Variants in GPI observed in about 807,000 individuals in gnomAD.
GPI encodes D-hexose-6-phosphate anomerase.
GPI carries 56 observed loss-of-function variants against 75.8 expected under a neutral mutation model. That is an observed-to-expected ratio of 0.74 (90% confidence interval 0.60 to 0.92). The LOEUF is 0.92. Among genes scored for constraint, GPI ranks in the 40% least tolerant of loss-of-function variants. The probability of loss-of-function intolerance (pLI) is 0.00; values close to 1 mark genes in which losing one functional copy is unlikely to be tolerated. For missense variants in GPI, 638 were observed against 741.0 expected (o/e 0.86, Z 1.61); for synonymous variants, 288 against 285.4 (o/e 1.01, Z -0.09).
intron 3 of GPI, chr19:34,367,096 C>T (rs1250757413): frequency 1.5e-6 from 1 of 651,132 alleles, no homozygotes. Context: ...ATCTCATACC[C>T]ACAGGGAGAG....
chr19:34,393,146 C>T lies in GPI; in HGVS notation c.805-102C>T. 1.1e-6 allele frequency: 1 copy of T among 952,070 alleles called. No homozygotes were observed. Among genetic ancestry groups the T allele is most frequent in the East Asian group, 2.4e-5 (1 of 41,546 alleles). The allele number at this position is 952,070 out of a possible 1,614,324, so 59.0% of individuals were successfully genotyped here. Reference sequence around the variant, plus strand: ...CCTGGAGGTGGGTTGGGCCAGGGCCCTCCGAGACGCCCCTGTGCAAGACCA... The same window carrying T: ...CCTGGAGGTGGGTTGGGCCAGGGCCTTCCGAGACGCCCCTGTGCAAGACCA... On this transcript the variant is annotated intron_variant, in intron 9 of 17. Coordinates refer to ENST00000356487, the MANE Select transcript of GPI (RefSeq NM_000175.5). This position sits in a 1 kb window ranked among gnomAD's most constrained non-coding sequence, Gnocchi z 4.4.
chr19:34,366,379 G>A lies in GPI; in HGVS notation c.157G>A (p.Val53Met). ...TLNTNHGHILVDYSKNLVTED... is the reference protein window; with the variant it reads ...TLNTNHGHILMDYSKNLVTED... Reference sequence around the variant, plus strand: ...CAACACCAACCATGGGCATATCCTGGTGGATTACTCCAAGAACCTGGTGAC... The same window carrying A: ...CAACACCAACCATGGGCATATCCTGATGGATTACTCCAAGAACCTGGTGAC... The change falls in exon 2 of 18, where the codon GTG (valine) becomes ATG (methionine). Residue 53 changes from valine to methionine, a missense_variant. Val to Met is a conservative substitution (Grantham distance 21). Coordinates refer to ENST00000356487, the MANE Select transcript of GPI (RefSeq NM_000175.5). 6.2e-7 allele frequency: 1 copy of A among 1,613,614 alleles called. No individual in the cohort carries two copies. Among genetic ancestry groups the A allele is most frequent in the Non-Finnish European group, 8.5e-7 (1 of 1,179,490 alleles).
At position 34,393,668 on chromosome 19, in the gene GPI, C is replaced by T. The variant is rs1012642834; in HGVS notation, c.866-60C>T. 2.7e-6 allele frequency: 4 copies of T among 1,507,052 alleles called. No homozygotes were observed. The Admixed American group carries it at 6.7e-5, about 25-fold the overall frequency. The allele number at this position is 1,507,052 out of a possible 1,614,324, so 93.4% of individuals were successfully genotyped here. A position where few individuals can be genotyped will look rare whatever the true frequency, so the allele number is the denominator to read the frequency against. ...TTCCTTCGTTGCAGAAGGAGCTGTG[C>T]CCACTGCCCACAGGACGCAGGGTGT... On this transcript the variant is annotated intron_variant, in intron 10 of 17. Coordinates refer to ENST00000356487, the MANE Select transcript of GPI (RefSeq NM_000175.5). This position sits in a 1 kb window ranked among gnomAD's most constrained non-coding sequence, Gnocchi z 4.4.
Position 34,393,049 on chromosome 19 carries a change from T to G in GPI, c.805-199T>G, listed in dbSNP as rs2145419139. On this transcript the variant is annotated intron_variant, in intron 9 of 17. Coordinates refer to ENST00000356487, the MANE Select transcript of GPI (RefSeq NM_000175.5). The surrounding 1 kb of genome is among the most constrained non-coding windows in gnomAD (Gnocchi z 4.4). The stretch of plus-strand genomic sequence containing the variant: ...TAAGCTCTTCAGTTTGTCTTGTGGC[T>G]GTGGTCAGTCATCTGTAGTCTGCCC... The G allele has an allele frequency of 1.6e-6, 1 of 632,282 alleles. No homozygotes were observed. Among genetic ancestry groups the G allele is most frequent in the South Asian group, 1.7e-5 (1 of 57,430 alleles). The allele number at this position is 632,282 out of a possible 1,614,324, so 39.2% of individuals were successfully genotyped here. A position where few individuals can be genotyped will look rare whatever the true frequency, so the allele number is the denominator to read the frequency against.
chr19:34,379,708 GCCTT>G, intron 8 of GPI, 146 bp downstream of exon 8: 1 of 777,220 alleles, frequency 1.3e-6, no homozygotes, highest in South Asian at 1.3e-5. Context: ...TGGGCTGCAA[GCCTT>G]CCTTGCCTTT....
chr19:34,399,048 C>T (rs1475813438), intron 14 of GPI, 159 bp from the exon 15 acceptor site: 1 of 603,154 alleles, frequency 1.7e-6, no homozygotes, highest in African/African-American at 1.9e-5. Context: ...TGTTCCCTGC[C>T]TTGTGGTGTC....
At chr19:34,378,225 G>A (rs1340096988) in intron 6 of GPI, among the ~76,000 whole-genome samples, 2 of 152,074 alleles carry the variant, frequency 1.3e-5, no homozygotes, top group Non-Finnish European at 2.9e-5. Context: ...ACAGAGTCTG[G>A]CTCTGTCACC....
rs2074900356 is a variant in GPI, at chr19:34,393,681, G to A, written c.866-47G>A. The A allele has an allele frequency of 6.3e-7, 1 of 1,589,640 alleles. No individual in the cohort carries two copies. Among genetic ancestry groups the A allele is most frequent in the Non-Finnish European group, 8.6e-7 (1 of 1,158,244 alleles). ...GAAGGAGCTGTGCCCACTGCCCACA[G>A]GACGCAGGGTGTGGCCACTTCTGTT... is the stretch of plus-strand genomic sequence containing the variant. On this transcript the variant is annotated intron_variant, in intron 10 of 17. Transcript: ENST00000356487. This position sits in a 1 kb window ranked among gnomAD's most constrained non-coding sequence, Gnocchi z 4.4.
chr19:34,381,588 C>T, intron 9 of GPI, 69 bp downstream of exon 9: 1 of 1,045,328 alleles, frequency 9.6e-7, no homozygotes, highest in African/African-American at 1.6e-5. Context: ...TTGAGAGGCC[C>T]ATGAGGTCAG....
intron 9 of GPI, among the ~76,000 whole-genome samples, chr19:34,384,328 G>A (rs1329594132): frequency 3.3e-5 from 5 of 152,166 alleles, no homozygotes; most frequent in Non-Finnish European, 7.4e-5. Flanking sequence ...TCTAGCAGGC[G>A]AGGTTTCAGG....
At chr19:34,369,975 C>T (rs769676034) in intron 4 of GPI, among the ~76,000 whole-genome samples, 1 of 152,212 alleles carries the variant, frequency 6.6e-6, no homozygotes, top group Non-Finnish European at 1.5e-5. Context: ...CCAGAAAGTT[C>T]CTGTGCACAT....
At chr19:34,372,048 A>G (rs925490952) in intron 4 of GPI, among the ~76,000 whole-genome samples, 9 of 151,074 alleles carry the variant, frequency 6.0e-5, no homozygotes, top group Non-Finnish European at 1.3e-4. Context: ...CTCCTGCCTC[A>G]GCCTCCTGAG....
intron 13 of GPI, 40 bp from the exon 14 acceptor site, chr19:34,396,541 T>G: frequency 6.2e-7 from 1 of 1,612,210 alleles, no homozygotes; most frequent in Non-Finnish European, 8.5e-7. Flanking sequence ...CTAGCTCCCA[T>G]GGGCTGGGGT....
At chr19:34,396,537 C>G in intron 13 of GPI, 44 bp from the exon 14 acceptor site, 6 of 1,611,402 alleles carry the variant, frequency 3.7e-6, no homozygotes, top group Non-Finnish European at 5.1e-6. Context: ...ATGGCTAGCT[C>G]CCATGGGCTG....
intron 8 of GPI, chr19:34,379,985 G>GGTTTTTT (rs2074618398): frequency 7.8e-6 from 1 of 127,574 alleles, no homozygotes; most frequent in African/African-American, 4.0e-5. Context: ...AGTGTGTGTG[G>GGTTTTTT]TTTTGTTTTT....
rs1368494394 is a variant in GPI at position 34,393,835 on chromosome 19, C to A, written c.909+64C>A. On this transcript the variant is annotated intron_variant, in intron 11 of 17. Coordinates refer to ENST00000356487, the MANE Select transcript of GPI (RefSeq NM_000175.5). The surrounding 1 kb of genome is among the most constrained non-coding windows in gnomAD (Gnocchi z 4.4). ...GAGGCGCGTGTGTTGGTCCTGGTCC[C>A]CCGCTTTCTCCCCCACTGTCCTGTC... The A allele has an allele frequency of 1.9e-6, 3 of 1,603,004 alleles. No homozygotes were observed. Among genetic ancestry groups the A allele is most frequent in the African/African-American group, 2.7e-5 (2 of 74,814 alleles).
chr19:34,380,276 G>T (rs1018617799), intron 8 of GPI, among the ~76,000 whole-genome samples: 4 of 147,528 alleles, frequency 2.7e-5, no homozygotes, highest in South Asian at 2.2e-4. Context: ...GATTACAGGT[G>T]TGTGCCACCA....
intron 4 of GPI, among the ~76,000 whole-genome samples, 167 bp from the exon 5 acceptor site, chr19:34,377,336 A>AAATAT (rs2074558981): frequency 4.1e-5 from 2 of 49,334 alleles, no homozygotes; most frequent in Non-Finnish European, 6.3e-5. Context: ...AAAAAAAAAA[A>AAATAT]ATATATATAT....
At position 34,393,741 on chromosome 19, in the gene GPI, C is replaced by T. The variant is rs760057544; in HGVS notation, c.879C>T (p.Phe293=). ...SIALHVGFDN[F]EQLLSGAHWM... is the part of the protein sequence containing the mutation. ...TTTGTGTCACAGGTTTTGACAACTT[C>T]GAGCAGCTGCTCTCGGGGGCTCACT... Residue 293 remains phenylalanine, a synonymous_variant, in exon 11 of 18, where the codon TTC becomes TTT. Coordinates refer to ENST00000356487, the MANE Select transcript of GPI (RefSeq NM_000175.5). The surrounding 1 kb of genome is among the most constrained non-coding windows in gnomAD (Gnocchi z 4.4). 4.8e-5 allele frequency: 78 copies of T among 1,613,134 alleles called. No homozygotes were observed. The highest frequency in any genetic ancestry group is 1.2e-4 in the South Asian group (11 of 91,036).
Sources: gnomAD v4.1 joint callset for allele counts (sites outside exome capture counted in the v4.1 genomes callset) on GRCh38, gnomAD v4.1.1 for gene constraint, Gnocchi (gnomAD v3.1) non-coding constraint, MANE v1.5 for transcripts, NCBI Gene and HGNC (gene_info 2026-07-23, HGNC 2026-07-21) for gene names.